ADAM7: variants seen among roughly 807,000 people sequenced by gnomAD.
ADAM7 encodes the protein disintegrin and metalloproteinase domain-containing protein 7.
A neutral mutation model predicts 102.9 loss-of-function variants in ADAM7; 97 were observed. The observed-to-expected ratio is 0.94, with a 90% CI of 0.80 to 1.12. The LOEUF (loss-of-function observed/expected upper bound fraction) is 1.12. Ranked by LOEUF, ADAM7 falls within the 50% of genes most tolerant of loss-of-function variation. The probability of loss-of-function intolerance (pLI) is 0.00; values close to 1 mark genes in which losing one functional copy is unlikely to be tolerated. For synonymous variants in ADAM7, 334 were observed against 304.4 expected (o/e 1.10, Z -1.01); for missense variants, 991 against 908.7 (o/e 1.09, Z -1.16).
intron 7 of ADAM7, chr8:24,475,939 G>T: frequency 4.4e-6 from 2 of 456,538 alleles, no homozygotes; most frequent in South Asian, 1.5e-5. Flanking sequence ...GAGGGAAGGG[G>T]TAGCTACAGT....
At chr8:24,463,691 T>C (rs1266026588) in intron 3 of ADAM7, among the ~76,000 whole-genome samples, 191 bp from the exon 4 acceptor site, 1 of 152,188 alleles carries the variant, frequency 6.6e-6, no homozygotes, top group Non-Finnish European at 1.5e-5. Context: ...TCTACAGTCT[T>C]TATGAACCAT....
At chr8:24,480,355 C>T (rs1819908270) in intron 8 of ADAM7, among the ~76,000 whole-genome samples, 1 of 152,110 alleles carries the variant, frequency 6.6e-6, no homozygotes, top group South Asian at 2.1e-4. Flanking sequence ...CATTGTATCC[C>T]TTCTTACTGG....
chr8:24,494,338 A>G (rs987539431), intron 16 of ADAM7, among the ~76,000 whole-genome samples: 1 of 152,246 alleles, frequency 6.6e-6, no homozygotes, highest in Non-Finnish European at 1.5e-5. Context: ...TAAGGTATGT[A>G]TGCTAACCAC....
rs1479768639 is a variant in ADAM7, at chr8:24,482,173, T to C, written c.737T>C (p.Leu246Ser). ...AAAACCTTAAACATCCATGTGACGT[T>C]GGTTGGCATTGAAATATGGACACAT... ...IYKTLNIHVT[L>S]VGIEIWTHED... Residue 246 changes from leucine (L) to serine (S), a missense_variant, in exon 9 of 22, where the codon TTG (leucine) becomes TCG (serine). Physicochemically the swap from Leu to Ser is moderately radical, Grantham distance 145. Transcript: ENST00000175238. 1.9e-6 allele frequency: 3 copies of C among 1,594,484 alleles called. No homozygotes were observed. The highest frequency in any genetic ancestry group is 2.6e-6 in the Non-Finnish European group (3 of 1,174,528).
At chr8:24,457,759 C>G (rs150376552) in intron 3 of ADAM7, among the ~76,000 whole-genome samples, 1 of 152,024 alleles carries the variant, frequency 6.6e-6, no homozygotes, top group African/African-American at 2.4e-5. Context: ...TGCCTAACTG[C>G]AAATCACAAA....
intron 7 of ADAM7, among the ~76,000 whole-genome samples, chr8:24,469,303 G>C (rs1819529874): frequency 6.6e-6 from 1 of 152,048 alleles, no homozygotes; most frequent in South Asian, 2.1e-4. Context: ...AGCCATAAAG[G>C]GCTGCCCATC....
rs1424436573 is a variant in ADAM7, at chr8:24,492,530, A to T, written c.1588A>T (p.Asn530Tyr). Residue 530 changes from asparagine (N) to tyrosine (Y), a missense_variant, in exon 15 of 22, where the codon AAT becomes TAT. Transcript: ENST00000175238. ...GAGTCATGATATCTGCTACAAGATGAATACAAAAGGAAATAAATTTGGATA... is the reference window on the plus strand; with the variant it reads ...GAGTCATGATATCTGCTACAAGATGTATACAAAAGGAAATAAATTTGGATA... ...IESHDICYKMNTKGNKFGYCK... is the reference protein window; with the variant it reads ...IESHDICYKMYTKGNKFGYCK... 2 of 1,612,722 alleles carry T rather than the reference A, an allele frequency of 1.2e-6. No homozygotes were observed. The highest frequency in any genetic ancestry group is 2.7e-5 in the African/African-American group (2 of 74,884).
At chr8:24,448,670 T>C (rs1818657815) in intron 3 of ADAM7, among the ~76,000 whole-genome samples, 1 of 151,486 alleles carries the variant, frequency 6.6e-6, no homozygotes, top group Non-Finnish European at 1.5e-5. Flanking sequence ...ATTATTATTA[T>C]TATTATTATT....
chr8:24,461,839 A>C (rs1014213118), intron 3 of ADAM7, among the ~76,000 whole-genome samples: 1 of 152,204 alleles, frequency 6.6e-6, no homozygotes. Flanking sequence ...TTTAAAAAAT[A>C]TAATTCCATT....
Position 24,485,674 on chromosome 8 carries a change from A to G in ADAM7, c.960+313A>G, listed in dbSNP as rs575414589. ...CTTATAAGGACAAATAATGCACATA[A>G]AGGTTGATGGCTCATTTAATAAGTG... On this transcript the variant is annotated intron_variant, in intron 10 of 21. Transcript: ENST00000175238. Among the ~76,000 whole-genome samples the G allele has an allele frequency of 3.9e-5, 6 of 152,304 alleles. No homozygotes were observed. The South Asian group carries it at 6.2e-4, about 16-fold the overall frequency.
At chr8:24,481,789 A>G (rs943905041) in intron 8 of ADAM7, among the ~76,000 whole-genome samples, 3 of 152,226 alleles carry the variant, frequency 2.0e-5, no homozygotes, top group Non-Finnish European at 4.4e-5. Flanking sequence ...AGGAGCACTC[A>G]CACCGCCTGC....
chr8:24,501,584 A>G lies in ADAM7; in HGVS notation c.2208+8A>G. On this transcript the variant is annotated splice_region_variant and intron_variant, in intron 20 of 21. Coordinates refer to ENST00000175238, the MANE Select transcript of ADAM7 (RefSeq NM_003817.4). ...GAAATTCATTTCCTAAATGTAAGAA[A>G]CTTCCATTTGCAACAGTTAATTTAT... 6.4e-7 allele frequency: 1 copy of G among 1,566,172 alleles called. No individual in the cohort carries two copies. Among genetic ancestry groups the G allele is most frequent in the Admixed American group, 2.1e-5 (1 of 48,326 alleles).
intron 3 of ADAM7, among the ~76,000 whole-genome samples, chr8:24,457,579 A>G (rs189013769): frequency 1.7e-3 from 255 of 152,264 alleles, no homozygotes; most frequent in Non-Finnish European, 3.0e-3. Flanking sequence ...TAATTTGGAG[A>G]CCAGCCCTTA....
chr8:24,501,774 A>AC (rs2129396398), intron 20 of ADAM7, among the ~76,000 whole-genome samples, 198 bp downstream of exon 20: 1 of 152,256 alleles, frequency 6.6e-6, no homozygotes, highest in African/African-American at 2.4e-5. Flanking sequence ...CAGATATGGA[A>AC]CAATAACCAA....
rs767910942 is a variant in ADAM7 at position 24,493,047 on chromosome 8, G to A, written c.1660G>A (p.Val554Ile). ...NRFLPCEEKD[V>I]RCGKIYCTGG... ...AATATTCTGCCTTTCCTTCAGAGAT[G>A]TCAGATGTGGAAAGATCTACTGCAC... Residue 554 changes from valine to isoleucine, a missense_variant, in exon 16 of 22, where the codon GTC becomes ATC. Val to Ile is a conservative substitution (Grantham distance 29). Coordinates refer to ENST00000175238, the MANE Select transcript of ADAM7 (RefSeq NM_003817.4). 3 of 1,579,012 alleles carry A rather than the reference G, an allele frequency of 1.9e-6. No individual in the cohort carries two copies. In the East Asian group the frequency reaches 6.9e-5, roughly 36 times the overall value.
chr8:24,498,663 T>TA (rs1001487092), intron 16 of ADAM7, among the ~76,000 whole-genome samples: 1 of 151,534 alleles, frequency 6.6e-6, no homozygotes, highest in African/African-American at 2.4e-5. Context: ...TAATTATAAA[T>TA]AAAATGTAAA....
At chr8:24,463,710 A>G (rs1467270816) in intron 3 of ADAM7, among the ~76,000 whole-genome samples, 172 bp from the exon 4 acceptor site, 1 of 152,204 alleles carries the variant, frequency 6.6e-6, no homozygotes, top group East Asian at 1.9e-4. Context: ...ATGATATTTA[A>G]GTAGAAAGGC....
rs577589088 is a variant in ADAM7 at position 24,472,151 on chromosome 8, A to T, written c.633+3331A>T. On this transcript the variant is annotated intron_variant, in intron 7 of 21. Transcript: ENST00000175238. Reference sequence around the variant, plus strand: ...AAAAAAAAAAAAACAGGTTTGCCAGAAAAGTAGGGTATTTTTTAGCTCCTC... The same window carrying T: ...AAAAAAAAAAAAACAGGTTTGCCAGTAAAGTAGGGTATTTTTTAGCTCCTC... 4.6e-5 allele frequency among the ~76,000 whole-genome samples: 7 copies of T among 151,364 alleles called. No homozygotes were observed. The South Asian group carries it at 1.5e-3, about 32-fold the overall frequency.
chr8:24,462,270 A>G (rs980024859), intron 3 of ADAM7, among the ~76,000 whole-genome samples: 8 of 152,104 alleles, frequency 5.3e-5, no homozygotes, highest in Admixed American at 5.2e-4. Flanking sequence ...GAAAATTCTG[A>G]ATTTGAGACT....
Sources: gnomAD v4.1 joint callset for allele counts (sites outside exome capture counted in the v4.1 genomes callset) on GRCh38, gnomAD v4.1.1 for gene constraint, MANE v1.5 for transcripts, NCBI Gene and HGNC (gene_info 2026-07-23, HGNC 2026-07-21) for gene names.